The following UBE2QL1 variants were observed in gnomAD, a reference collection of about 807,000 sequenced individuals.
UBE2QL1 encodes ubiquitin conjugating enzyme E2 QL1, also known as ubiquitin-conjugating enzyme E2Q-like protein 1.
A neutral mutation model predicts 12.6 loss-of-function variants in UBE2QL1; 5 were observed. That is an observed-to-expected ratio of 0.40 (90% CI 0.21 to 0.83). The LOEUF is 0.83. UBE2QL1 is among the 40% of genes least tolerant of loss of function. The pLI is 0.37. For synonymous variants in UBE2QL1, 96 were observed against 94.5 expected (o/e 1.02, Z -0.10); for missense variants, 99 against 222.6 (o/e 0.44, Z 3.53).
intron 1 of UBE2QL1, among the ~76,000 whole-genome samples, chr5:6,471,679 A>G (rs1402547394): frequency 6.6e-6 from 1 of 152,110 alleles, no homozygotes; most frequent in East Asian, 1.9e-4. Context: ...GGTCCCTCGC[A>G]CTCAGGGGTA....
intron 1 of UBE2QL1, among the ~76,000 whole-genome samples, chr5:6,487,383 A>G (rs1734485572): frequency 6.6e-6 from 1 of 152,244 alleles, no homozygotes; most frequent in African/African-American, 2.4e-5. Flanking sequence ...CTGTATTACA[A>G]TGAGACTTTT....
rs1315690903 is a variant in UBE2QL1 at position 6,494,131 on chromosome 5, A to T, written c.*2782A>T. 2 of 152,196 alleles carry T rather than the reference A, an allele frequency of 1.3e-5. No individual in the cohort carries two copies. The highest frequency in any genetic ancestry group is 1.3e-4 in the Admixed American group (2 of 15,274). The allele number at this position is 152,196 out of a possible 1,614,324, so 9.4% of individuals were successfully genotyped here. On this transcript the variant is annotated 3_prime_UTR_variant, in exon 2 of 2. Transcript: ENST00000399816. Reference sequence around the variant, plus strand: ...TCACAAACCCATCTGTCCTCTTCTCAATGCAGAACTCCTTCCCGTCCAATA... The same window carrying T: ...TCACAAACCCATCTGTCCTCTTCTCTATGCAGAACTCCTTCCCGTCCAATA...
rs1734658597 is a variant in UBE2QL1 at position 6,495,936 on chromosome 5, A to G, written c.*4587A>G. ...ATGTGGTCAATAATCTGGAAAGGCA[A>G]ACAAACTCTGTTGACATTCGGGAAA... On this transcript the variant is annotated 3_prime_UTR_variant, in exon 2 of 2. Coordinates refer to ENST00000399816, the MANE Select transcript of UBE2QL1 (RefSeq NM_001145161.3). Among the ~76,000 whole-genome samples the G allele has an allele frequency of 6.6e-6, 1 of 152,222 alleles. No homozygotes were observed. Among genetic ancestry groups the G allele is most frequent in the Non-Finnish European group, 1.5e-5 (1 of 68,038 alleles).
chr5:6,457,380 C>G (rs141700649), intron 1 of UBE2QL1, among the ~76,000 whole-genome samples: 4 of 152,206 alleles, frequency 2.6e-5, no homozygotes, highest in Admixed American at 2.0e-4. Context: ...GGAGGAAGCT[C>G]GGCATTGTTT....
In UBE2QL1 at chr5:6,491,205, T is replaced by TAA. The variant is rs1306588417; in HGVS notation, c.355-13_355-12insAA. 14 of 1,525,722 alleles carry TAA rather than the reference T, an allele frequency of 9.2e-6. No individual in the cohort carries two copies. Among genetic ancestry groups the TAA allele is most frequent in the Middle Eastern group, 1.7e-4 (1 of 5,870 alleles). 94.5% of individuals were successfully genotyped at this position (1,525,722 alleles called of 1,614,324 possible). On this transcript the variant is annotated splice_polypyrimidine_tract_variant and intron_variant, in intron 1 of 1. Coordinates refer to ENST00000399816, the MANE Select transcript of UBE2QL1 (RefSeq NM_001145161.3). ...TGACGTTCTAACCTGGTTTTTCTTC[T>TAA]CATCTCACGCAGGGACGGATCTGTA...
At chr5:6,450,082 C>A (rs1019149051) in intron 1 of UBE2QL1, among the ~76,000 whole-genome samples, 1 of 123,582 alleles carries the variant, frequency 8.1e-6, no homozygotes, top group South Asian at 3.1e-4. Context: ...AGAGACAAGA[C>A]CAGACCCCCC....
intron 1 of UBE2QL1, among the ~76,000 whole-genome samples, chr5:6,468,295 G>A (rs1205280203): frequency 1.3e-5 from 2 of 152,188 alleles, no homozygotes; most frequent in Non-Finnish European, 1.5e-5. Flanking sequence ...ACTGCTAACT[G>A]CTCAGGGAAG....
rs995961220 is a variant in UBE2QL1 at position 6,481,359 on chromosome 5, A to G, written c.355-9859A>G. Reference sequence around the variant, plus strand: ...ATCTCGCCTTGCACGCCAGGTGCTCATTATCCCCATGCAGGAGGTGAGGGC... The same window carrying G: ...ATCTCGCCTTGCACGCCAGGTGCTCGTTATCCCCATGCAGGAGGTGAGGGC... On this transcript the variant is annotated intron_variant, in intron 1 of 1. Coordinates refer to ENST00000399816, the MANE Select transcript of UBE2QL1 (RefSeq NM_001145161.3). This position sits in a 1 kb window ranked among gnomAD's most constrained non-coding sequence, Gnocchi z 4.5. Among the ~76,000 whole-genome samples, 4 of 152,126 alleles carry G rather than the reference A, an allele frequency of 2.6e-5. No individual in the cohort carries two copies. The highest frequency in any genetic ancestry group is 9.7e-5 in the African/African-American group (4 of 41,430).
At chr5:6,461,519 C>T (rs532154080) in intron 1 of UBE2QL1, among the ~76,000 whole-genome samples, 1 of 146,922 alleles carries the variant, frequency 6.8e-6, no homozygotes, top group South Asian at 2.3e-4. Flanking sequence ...ATCCTCCTAT[C>T]CCCAGTGTTT....
At chr5:6,464,987 ATTC>A in intron 1 of UBE2QL1, among the ~76,000 whole-genome samples, 1 of 149,980 alleles carries the variant, frequency 6.7e-6, no homozygotes, top group African/African-American at 2.5e-5. Context: ...TTTAGTTTTT[ATTC>A]TTTTTTTTTT....
At chr5:6,483,509 C>T (rs904206267) in intron 1 of UBE2QL1, among the ~76,000 whole-genome samples, 4 of 152,030 alleles carry the variant, frequency 2.6e-5, no homozygotes, top group Non-Finnish European at 5.9e-5. Flanking sequence ...AGTGAAGGAT[C>T]GTGTTCCCTG....
intron 1 of UBE2QL1, among the ~76,000 whole-genome samples, chr5:6,460,166 G>C (rs1235929151): frequency 6.6e-6 from 1 of 152,166 alleles, no homozygotes; most frequent in Non-Finnish European, 1.5e-5. Flanking sequence ...CCCCTTCTGA[G>C]TGTGGCTCAC....
chr5:6,468,287 T>C (rs1314659371), intron 1 of UBE2QL1, among the ~76,000 whole-genome samples: 1 of 152,182 alleles, frequency 6.6e-6, no homozygotes, highest in Non-Finnish European at 1.5e-5. Context: ...GCCTCACCAC[T>C]GCTAACTGCT....
chr5:6,479,943 T>C lies in UBE2QL1; in HGVS notation c.355-11275T>C, dbSNP rs150523108. Among the ~76,000 whole-genome samples, 32 of 152,258 alleles carry C rather than the reference T, an allele frequency of 2.1e-4. No individual in the cohort carries two copies. The East Asian group carries it at 5.8e-3, about 28-fold the overall frequency. On this transcript the variant is annotated intron_variant, in intron 1 of 1. Coordinates refer to ENST00000399816, the MANE Select transcript of UBE2QL1 (RefSeq NM_001145161.3). The surrounding 1 kb of genome is among the most constrained non-coding windows in gnomAD (Gnocchi z 4.2). ...GGCCCTGATCATCTCGGGGCTTACA[T>C]AAACCATGTGGCAAATGACAGGATG... is the stretch of plus-strand genomic sequence containing the variant.
intron 1 of UBE2QL1, among the ~76,000 whole-genome samples, chr5:6,461,565 T>G (rs1739667110): frequency 4.0e-5 from 2 of 50,102 alleles, no homozygotes; most frequent in Non-Finnish European, 4.5e-5. Flanking sequence ...CGGCATATCA[T>G]TCTAGGAAGG....
rs1260326417 is a variant in UBE2QL1 at position 6,479,305 on chromosome 5, A to T, written c.355-11913A>T. On this transcript the variant is annotated intron_variant, in intron 1 of 1. Coordinates refer to ENST00000399816, the MANE Select transcript of UBE2QL1 (RefSeq NM_001145161.3). The surrounding 1 kb of genome is among the most constrained non-coding windows in gnomAD (Gnocchi z 4.2). Reference sequence around the variant, plus strand: ...AAAACATGGAACGCTGAGGAAGACCAACTGTGCAGGGAAAAGAGCTGGCCG... The same window carrying T: ...AAAACATGGAACGCTGAGGAAGACCTACTGTGCAGGGAAAAGAGCTGGCCG... 6.6e-6 allele frequency among the ~76,000 whole-genome samples: 1 copy of T among 152,144 alleles called. No individual in the cohort carries two copies. Among genetic ancestry groups the T allele is most frequent in the Non-Finnish European group, 1.5e-5 (1 of 68,034 alleles).
In UBE2QL1 at chr5:6,479,450, G is replaced by A. The variant is rs902400130; in HGVS notation, c.355-11768G>A. Reference sequence around the variant, plus strand: ...TTAGGGGCGACTTCAGTAAGAAAGTGGGGGGTCTCTGGGGCTAGTCAGGGA... The same window carrying A: ...TTAGGGGCGACTTCAGTAAGAAAGTAGGGGGTCTCTGGGGCTAGTCAGGGA... On this transcript the variant is annotated intron_variant, in intron 1 of 1. Transcript: ENST00000399816. The surrounding 1 kb of genome is among the most constrained non-coding windows in gnomAD (Gnocchi z 4.2). 2.0e-5 allele frequency among the ~76,000 whole-genome samples: 3 copies of A among 152,158 alleles called. No individual in the cohort carries two copies. Among genetic ancestry groups the A allele is most frequent in the African/African-American group, 7.2e-5 (3 of 41,436 alleles).
intron 1 of UBE2QL1, among the ~76,000 whole-genome samples, chr5:6,477,048 G>A (rs1734248595): frequency 6.6e-6 from 1 of 152,140 alleles, no homozygotes; most frequent in Admixed American, 6.5e-5. Flanking sequence ...GTGCCCTGGG[G>A]AGGGACAGGG....
chr5:6,489,096 A>C (rs1345828007), intron 1 of UBE2QL1, among the ~76,000 whole-genome samples: 1 of 152,142 alleles, frequency 6.6e-6, no homozygotes, highest in Admixed American at 6.5e-5. Flanking sequence ...ATCTTCCTTC[A>C]TCCTTTTAGC....
Sources: gnomAD v4.1 joint callset for allele counts (sites outside exome capture counted in the v4.1 genomes callset) on GRCh38, gnomAD v4.1.1 for gene constraint, Gnocchi (gnomAD v3.1) non-coding constraint, MANE v1.5 for transcripts, NCBI Gene and HGNC (gene_info 2026-07-23, HGNC 2026-07-21) for gene names.